Variants in GLRA3 observed in about 807,000 individuals in gnomAD.
The protein encoded by GLRA3 is glycine receptor alpha 3.
GLRA3 carries 44 observed loss-of-function variants against 60.4 expected under a neutral mutation model. The ratio of observed to expected loss-of-function variants is 0.73; its 90% CI spans 0.57 to 0.94. The LOEUF (loss-of-function observed/expected upper bound fraction) is 0.94, where lower values mean the gene tolerates loss of function less well. GLRA3 is among the 40% of genes least tolerant of loss of function. GLRA3 has a pLI of 0.00. For missense variants in GLRA3, 508 were observed against 564.6 expected (o/e 0.90, Z 1.02); for synonymous variants, 223 against 192.9 (o/e 1.16, Z -1.29).
intron 3 of GLRA3, among the ~76,000 whole-genome samples, chr4:174,737,026 CT>C (rs1303786623): frequency 1.3e-5 from 2 of 152,182 alleles, no homozygotes; most frequent in African/African-American, 4.8e-5. Context: ...CATACAAGTA[CT>C]TTTCATGATA....
At chr4:174,733,543 C>A (rs1036157670) in intron 3 of GLRA3, among the ~76,000 whole-genome samples, 3 of 152,100 alleles carry the variant, frequency 2.0e-5, no homozygotes, top group Non-Finnish European at 2.9e-5. Context: ...GCCAGTGCAC[C>A]CAGAAGACAG....
In GLRA3 at chr4:174,638,427, T is replaced by G. The variant is rs961437890; in HGVS notation, c.*5359A>C. ...TCCACCTCAGCCTCCCTTGAGTAAC[T>G]GGGATTACAGGCACCTGCCATCATG... On this transcript the variant is annotated 3_prime_UTR_variant, in exon 10 of 10. Coordinates refer to ENST00000274093, the MANE Select transcript of GLRA3 (RefSeq NM_006529.4). 1 of 152,232 alleles carries G rather than the reference T, an allele frequency of 6.6e-6. No homozygotes were observed. The highest frequency in any genetic ancestry group is 2.4e-5 in the African/African-American group (1 of 41,452). The allele number at this position is 152,232 out of a possible 1,614,324, so 9.4% of individuals were successfully genotyped here.
intron 2 of GLRA3, among the ~76,000 whole-genome samples, chr4:174,776,892 C>A (rs889935007): frequency 6.6e-6 from 1 of 152,010 alleles, no homozygotes; most frequent in African/African-American, 2.4e-5. Flanking sequence ...TGTGAAGAGA[C>A]CAAAACACAA....
chr4:174,680,412 A>G (rs1009051360), intron 6 of GLRA3, among the ~76,000 whole-genome samples: 3 of 152,222 alleles, frequency 2.0e-5, no homozygotes, highest in Non-Finnish European at 4.4e-5. Flanking sequence ...AAATTGAATG[A>G]TATAATTTCA....
intron 6 of GLRA3, 110 bp downstream of exon 6, chr4:174,682,692 G>T: frequency 1.4e-6 from 1 of 724,340 alleles, no homozygotes. Context: ...TGCTATATAA[G>T]AAAAACATTG....
At chr4:174,781,027 T>C (rs1186256194) in intron 2 of GLRA3, among the ~76,000 whole-genome samples, 11 of 152,252 alleles carry the variant, frequency 7.2e-5, no homozygotes, top group South Asian at 6.2e-4. Flanking sequence ...TTCAGCACCG[T>C]ACCACACCTA....
At chr4:174,776,123 G>C (rs2092797811) in intron 2 of GLRA3, among the ~76,000 whole-genome samples, 1 of 152,072 alleles carries the variant, frequency 6.6e-6, no homozygotes, top group Admixed American at 6.6e-5. Context: ...TAGCCCTATG[G>C]AATTTTTGAG....
intron 7 of GLRA3, among the ~76,000 whole-genome samples, chr4:174,666,761 A>ATATATATATATATATATAT (rs1733689841): frequency 1.4e-5 from 1 of 72,372 alleles, no homozygotes; most frequent in South Asian, 3.7e-4. Context: ...TATATATATT[A>ATATATATATATATATATAT]TATATATATA....
intron 1 of GLRA3, among the ~76,000 whole-genome samples, chr4:174,808,197 G>A (rs1276298604): frequency 1.3e-5 from 2 of 152,002 alleles, no homozygotes; most frequent in African/African-American, 4.8e-5. Context: ...AAAACAAAAG[G>A]TGAACCAAAA....
chr4:174,776,638 AT>A (rs1024699184), intron 2 of GLRA3, among the ~76,000 whole-genome samples: 1 of 151,970 alleles, frequency 6.6e-6, no homozygotes, highest in Non-Finnish European at 1.5e-5. Context: ...GAAATAACCA[AT>A]TTTTTTGGAG....
intron 7 of GLRA3, among the ~76,000 whole-genome samples, chr4:174,673,450 T>TA (rs1192554820): frequency 6.6e-6 from 1 of 151,764 alleles, no homozygotes; most frequent in Non-Finnish European, 1.5e-5. Flanking sequence ...TTTCCATATC[T>TA]AAAAAAAAGA....
At chr4:174,650,455 G>A (rs934292741) in intron 9 of GLRA3, among the ~76,000 whole-genome samples, 1 of 152,116 alleles carries the variant, frequency 6.6e-6, no homozygotes, top group Non-Finnish European at 1.5e-5. Context: ...GGCACTCTAA[G>A]GTGGCTGCTA....
At chr4:174,716,991 A>T (rs1349883767) in intron 4 of GLRA3, among the ~76,000 whole-genome samples, 1 of 151,848 alleles carries the variant, frequency 6.6e-6, no homozygotes, top group Non-Finnish European at 1.5e-5. Context: ...GCTTGAGCCC[A>T]GTAGTTTGTG....
At chr4:174,798,961 G>A (rs538865624) in intron 1 of GLRA3, among the ~76,000 whole-genome samples, 7 of 152,148 alleles carry the variant, frequency 4.6e-5, no homozygotes, top group African/African-American at 1.7e-4. Context: ...AACACCTCTG[G>A]AGACAGAGAA....
chr4:174,687,999 A>G (rs1406237443), intron 5 of GLRA3, among the ~76,000 whole-genome samples: 1 of 152,082 alleles, frequency 6.6e-6, no homozygotes, highest in Non-Finnish European at 1.5e-5. Flanking sequence ...AAGGCAAAAC[A>G]AAACAAAACA....
At chr4:174,813,910 A>G (rs1458198909) in intron 1 of GLRA3, among the ~76,000 whole-genome samples, 2 of 151,928 alleles carry the variant, frequency 1.3e-5, no homozygotes, top group African/African-American at 4.8e-5. Context: ...CCTTGGCGGG[A>G]CTCACAAAGG....
At chr4:174,670,283 T>C (rs1005598537) in intron 7 of GLRA3, among the ~76,000 whole-genome samples, 11 of 152,186 alleles carry the variant, frequency 7.2e-5, no homozygotes, top group Non-Finnish European at 1.2e-4. Context: ...GCATCATTTT[T>C]ATTGTAATCA....
intron 3 of GLRA3, among the ~76,000 whole-genome samples, chr4:174,756,979 T>C (rs1445050462): frequency 6.6e-6 from 1 of 152,192 alleles, no homozygotes; most frequent in East Asian, 1.9e-4. Flanking sequence ...TGCTGTGCGC[T>C]TTTCAACTGA....
At chr4:174,709,675 T>C (rs899697760) in intron 5 of GLRA3, among the ~76,000 whole-genome samples, 5 of 152,028 alleles carry the variant, frequency 3.3e-5, no homozygotes, top group Non-Finnish European at 5.9e-5. Context: ...TGAAACTCTG[T>C]TGAGATTTGA....
Sources: allele counts gnomAD v4.1 joint callset (sites outside exome capture counted in the v4.1 genomes callset), GRCh38; gene constraint gnomAD v4.1.1; transcripts MANE v1.5; gene names NCBI Gene and HGNC (gene_info 2026-07-23, HGNC 2026-07-21).